Variants in ETV1 observed in about 807,000 individuals in gnomAD.
The protein encoded by ETV1 is ETS translocation variant 1.
A neutral mutation model predicts 62.3 loss-of-function variants in ETV1; 27 were observed. The observed-to-expected ratio is 0.43, with a 90% confidence interval of 0.32 to 0.60. The LOEUF is 0.60. Ranked by LOEUF, ETV1 falls within the 20% of genes least tolerant of loss-of-function variation. ETV1 has a pLI of 0.06. For missense variants in ETV1, 605 were observed against 605.8 expected, an observed-to-expected ratio of 1.00 and a Z score of 0.01; for synonymous variants, 222 against 199.6, an observed-to-expected ratio of 1.11 and a Z score of -0.94.
At chr7:13,941,069 G>T (rs1003381385) in intron 6 of ETV1, among the ~76,000 whole-genome samples, 1 of 151,932 alleles carries the variant, frequency 6.6e-6, no homozygotes, top group Non-Finnish European at 1.5e-5. Context: ...AAAGAGAAAA[G>T]AAAAAAGAGA....
Position 13,896,073 on chromosome 7 carries a change from T to C in ETV1, c.1227A>G (p.Arg409=), listed in dbSNP as rs543626771. The change falls in exon 14 of 14, where the codon AGA becomes AGG. Residue 409 remains arginine, a synonymous_variant. Coordinates refer to ENST00000430479, the MANE Select transcript of ETV1 (RefSeq NM_004956.5). ...GATCACACACAAACTTGTAGACATA[T>C]CTCTCTCCAGCCACCTGATGATAAC... ...KGIMQKVAGE[R]YVYKFVCDPE... 3.1e-6 allele frequency: 5 copies of C among 1,612,744 alleles called. No homozygotes were observed. Among genetic ancestry groups the C allele is most frequent in the Middle Eastern group, 1.6e-4 (1 of 6,084 alleles).
Position 13,989,406 on chromosome 7 carries a change from G to T in ETV1, c.-226C>A. 2.3e-6 allele frequency: 1 copy of T among 436,584 alleles called. No individual in the cohort carries two copies. The highest frequency in any genetic ancestry group is 4.0e-6 in the Non-Finnish European group (1 of 249,422). The allele number at this position is 436,584 out of a possible 1,614,324, so 27.0% of individuals were successfully genotyped here. A position where few individuals can be genotyped will look rare whatever the true frequency, so the allele number is the denominator to read the frequency against. On this transcript the variant is annotated 5_prime_UTR_variant, in exon 2 of 14. Transcript: ENST00000430479. Reference sequence around the variant, plus strand: ...GGTGTACCCCGGGCAGCTCTGATTCGCAAACGTGTGCAAAACTAGCAATGG... The same window carrying T: ...GGTGTACCCCGGGCAGCTCTGATTCTCAAACGTGTGCAAAACTAGCAATGG...
At chr7:13,988,396 G>A in intron 3 of ETV1, 1 of 580,720 alleles carries the variant, frequency 1.7e-6, no homozygotes, top group Non-Finnish European at 3.0e-6. Flanking sequence ...GCTTCCCAGT[G>A]CCGATCTTAG....
At chr7:13,931,842 A>G (rs1035598984) in intron 8 of ETV1, 93 bp from the exon 9 acceptor site, 13 of 1,460,468 alleles carry the variant, frequency 8.9e-6, no homozygotes, top group East Asian at 2.3e-5. Context: ...GTGAACGAAC[A>G]TGATACCAGC....
At chr7:13,933,686 C>T (rs578123465) in intron 8 of ETV1, among the ~76,000 whole-genome samples, 1 of 152,180 alleles carries the variant, frequency 6.6e-6, no homozygotes, top group Non-Finnish European at 1.5e-5. Flanking sequence ...CATTTGTTGG[C>T]CAGAGCCCTC....
intron 12 of ETV1, among the ~76,000 whole-genome samples, chr7:13,904,146 A>T (rs766502280): frequency 1.1e-4 from 16 of 152,026 alleles, no homozygotes; most frequent in Non-Finnish European, 2.1e-4. Context: ...TTTAAACAAG[A>T]CCCTACAGTC....
chr7:13,895,422 CAG>C lies in ETV1; in HGVS notation c.*442_*443del, dbSNP rs1491299329. On this transcript the variant is annotated 3_prime_UTR_variant, in exon 14 of 14. Transcript: ENST00000430479. Reference sequence around the variant, plus strand: ...TACACCTGCAGAGACTCATAAATGACAGGGGAAAATGCCCAAGGCAAATAGTC... The same window carrying C: ...TACACCTGCAGAGACTCATAAATGACGGGAAAATGCCCAAGGCAAATAGTC... The C allele has an allele frequency of 4.2e-6, 1 of 239,026 alleles. No homozygotes were observed. The highest frequency in any genetic ancestry group is 5.9e-5 in the East Asian group (1 of 16,852). The allele number at this position is 239,026 out of a possible 1,614,324, so 14.8% of individuals were successfully genotyped here.
intron 6 of ETV1, among the ~76,000 whole-genome samples, chr7:13,967,935 G>C (rs1210761408): frequency 1.3e-5 from 2 of 151,952 alleles, no homozygotes; most frequent in Non-Finnish European, 2.9e-5. Context: ...AGAATATATA[G>C]ATGTATGTGT....
intron 9 of ETV1, among the ~76,000 whole-genome samples, chr7:13,921,227 C>T (rs1388152466): frequency 9.9e-5 from 15 of 152,060 alleles, no homozygotes; most frequent in Non-Finnish European, 1.8e-4. Flanking sequence ...AATAAGGCCA[C>T]GGTTTAGCCT....
chr7:13,929,707 C>T (rs1375775765), intron 9 of ETV1, among the ~76,000 whole-genome samples: 1 of 152,166 alleles, frequency 6.6e-6, no homozygotes. Flanking sequence ...TGCACTTACT[C>T]AGGCCCTGGA....
chr7:13,901,412 T>C (rs968049037), intron 12 of ETV1, among the ~76,000 whole-genome samples: 1 of 152,338 alleles, frequency 6.6e-6, no homozygotes, highest in Non-Finnish European at 1.5e-5. Flanking sequence ...AAGGAAATGT[T>C]CTTACAACAG....
At chr7:13,931,211 G>GA (rs202204574) in intron 9 of ETV1, among the ~76,000 whole-genome samples, 2,990 of 152,094 alleles carry the variant, frequency 0.02, 105 homozygotes, top group African/African-American at 0.069. Context: ...ACAGAATTAA[G>GA]AAAAAAAATT....
chr7:13,933,536 G>C (rs906148940), intron 8 of ETV1, among the ~76,000 whole-genome samples: 10 of 152,216 alleles, frequency 6.6e-5, no homozygotes, highest in African/African-American at 2.4e-4. Context: ...AGCAGAGTGA[G>C]GCTGAGGAAA....
intron 9 of ETV1, among the ~76,000 whole-genome samples, chr7:13,925,980 A>G (rs2128442536): frequency 6.6e-6 from 1 of 152,220 alleles, no homozygotes; most frequent in South Asian, 2.1e-4. Flanking sequence ...CACCACCTAT[A>G]TATAGCCAAG....
Position 13,895,562 on chromosome 7 carries a change from A to T in ETV1, c.*304T>A. The T allele has an allele frequency of 2.8e-6, 1 of 358,506 alleles. No individual in the cohort carries two copies. Among genetic ancestry groups the T allele is most frequent in the Non-Finnish European group, 5.1e-6 (1 of 195,936 alleles). 22.2% of individuals were successfully genotyped at this position (358,506 alleles called of 1,614,324 possible). On this transcript the variant is annotated 3_prime_UTR_variant, in exon 14 of 14. Transcript: ENST00000430479. Reference sequence around the variant, plus strand: ...AACAGACATGATATAGTTTCATCATACTCAAAACTTGTAGGACCCCATCCC... The same window carrying T: ...AACAGACATGATATAGTTTCATCATTCTCAAAACTTGTAGGACCCCATCCC...
intron 12 of ETV1, among the ~76,000 whole-genome samples, chr7:13,902,957 G>A (rs1167811901): frequency 1.3e-5 from 2 of 152,162 alleles, no homozygotes; most frequent in Non-Finnish European, 2.9e-5. Context: ...ATAAAGTTGA[G>A]GTAAATGGGA....
chr7:13,907,887 T>C (rs920384150), intron 11 of ETV1: 10 of 467,450 alleles, frequency 2.1e-5, no homozygotes, highest in Middle Eastern at 3.7e-4. Context: ...TGTGAGTCAA[T>C]AGCTGCTAAA....
intron 13 of ETV1, among the ~76,000 whole-genome samples, chr7:13,899,804 A>T (rs1782222529): frequency 6.6e-6 from 1 of 152,086 alleles, no homozygotes; most frequent in African/African-American, 2.4e-5. Context: ...TTTTAAGTGT[A>T]ATTCACTTGT....
At chr7:13,914,996 C>T (rs933013714) in intron 9 of ETV1, among the ~76,000 whole-genome samples, 7 of 152,004 alleles carry the variant, frequency 4.6e-5, no homozygotes, top group African/African-American at 1.4e-4. Context: ...GGGAGAAAAA[C>T]AAGTCTTTTC....
Sources: gnomAD v4.1 joint callset for allele counts (sites outside exome capture counted in the v4.1 genomes callset) on GRCh38, gnomAD v4.1.1 for gene constraint, MANE v1.5 for transcripts, NCBI Gene and HGNC (gene_info 2026-07-23, HGNC 2026-07-21) for gene names.